The following MYH15 variants were observed in gnomAD, a reference collection of about 807,000 sequenced individuals.
MYH15 encodes myosin heavy chain 15.
A neutral mutation model predicts 240.5 loss-of-function variants in MYH15; 227 were observed. The ratio of observed to expected loss-of-function variants is 0.94; its 90% confidence interval spans 0.85 to 1.05. The LOEUF (loss-of-function observed/expected upper bound fraction) is 1.05, where lower values mean the gene tolerates loss of function less well. Ranked by LOEUF, MYH15 falls within the 50% of genes least tolerant of loss-of-function variation. MYH15 has a pLI of 0.00. For synonymous variants in MYH15, 785 were observed against 796.7 expected (o/e 0.99, Z 0.25); for missense variants, 2,217 against 2,247.5 (o/e 0.99, Z 0.27).
intron 21 of MYH15, among the ~76,000 whole-genome samples, chr3:108,451,015 G>T (rs1371141454): frequency 6.6e-6 from 1 of 152,106 alleles, no homozygotes; most frequent in Non-Finnish European, 1.5e-5. Flanking sequence ...TACTAGAAAT[G>T]ATAATACTCT....
intron 21 of MYH15, among the ~76,000 whole-genome samples, chr3:108,445,741 A>G (rs1039015370): frequency 4.6e-5 from 7 of 152,220 alleles, no homozygotes; most frequent in African/African-American, 1.2e-4. Flanking sequence ...TAATTGAACT[A>G]TCTGATGGAG....
chr3:108,388,915 C>A, intron 38 of MYH15, 55 bp downstream of exon 38: 1 of 1,518,532 alleles, frequency 6.6e-7, no homozygotes, highest in Non-Finnish European at 9.0e-7. Flanking sequence ...TGAAGGAGTA[C>A]TTTTCTGCAG....
intron 4 of MYH15, among the ~76,000 whole-genome samples, chr3:108,499,870 T>C (rs886207787): frequency 1.3e-5 from 2 of 152,236 alleles, no homozygotes; most frequent in Non-Finnish European, 2.9e-5. Context: ...GGGCTTACTC[T>C]GGGCCAGCCA....
intron 37 of MYH15, among the ~76,000 whole-genome samples, chr3:108,390,456 A>AT (rs201925350): frequency 0.012 from 1,883 of 152,246 alleles, 33 homozygotes; most frequent in African/African-American, 0.037. Flanking sequence ...AGTTTCATGT[A>AT]TTTTTTAGGG....
chr3:108,417,300 A>C (rs2082642117), intron 28 of MYH15, among the ~76,000 whole-genome samples: 2 of 152,224 alleles, frequency 1.3e-5, no homozygotes. Context: ...AAACAGAGCA[A>C]CTTAAATATG....
intron 31 of MYH15, 94 bp from the exon 32 acceptor site, chr3:108,408,498 C>G: frequency 2.4e-6 from 3 of 1,246,542 alleles, no homozygotes; most frequent in Non-Finnish European, 3.3e-6. Flanking sequence ...CCCACTGGAA[C>G]AGTGACCTCA....
chr3:108,443,342 C>T (rs982105449), intron 22 of MYH15, among the ~76,000 whole-genome samples: 3 of 151,774 alleles, frequency 2.0e-5, no homozygotes, highest in African/African-American at 7.3e-5. Flanking sequence ...TAATACAGCT[C>T]CAAAATATTA....
chr3:108,460,226 G>T, intron 17 of MYH15, 74 bp downstream of exon 17: 1 of 1,264,536 alleles, frequency 7.9e-7, no homozygotes. Flanking sequence ...TTGAAGATGT[G>T]AAATGTCAAC....
chr3:108,408,789 A>G (rs1002096756), intron 31 of MYH15, among the ~76,000 whole-genome samples: 2 of 152,146 alleles, frequency 1.3e-5, no homozygotes, highest in Non-Finnish European at 1.5e-5. Flanking sequence ...AGTGGCTGCC[A>G]TTGTTTCAGC....
intron 1 of MYH15, among the ~76,000 whole-genome samples, chr3:108,522,125 A>T (rs1244622470): frequency 6.6e-6 from 1 of 152,110 alleles, no homozygotes; most frequent in Non-Finnish European, 1.5e-5. Flanking sequence ...AGGGACATGC[A>T]CCAATAGACT....
rs2083062992 is a variant in MYH15 at position 108,460,459 on chromosome 3, C to A, written c.1865-92G>T. ...CCCCACTGATGGAAGCATAAATTCA[C>A]CAGAGTTCTAGAACAATATGGCAAT... On this transcript the variant is annotated intron_variant, in intron 16 of 40. Transcript: ENST00000693548. 12 of 971,178 alleles carry A rather than the reference C, an allele frequency of 1.2e-5. No homozygotes were observed. In the South Asian group the frequency reaches 2.2e-4, roughly 18 times the overall value. The allele number at this position is 971,178 out of a possible 1,614,324, so 60.2% of individuals were successfully genotyped here.
chr3:108,531,702 G>A (rs368188368), upstream of MYH15, among the ~76,000 whole-genome samples: 10 of 151,830 alleles, frequency 6.6e-5, no homozygotes, highest in Admixed American at 5.9e-4. Flanking sequence ...GTGTGAACCC[G>A]GGAGGCAGAG....
Position 108,439,849 on chromosome 3 carries a change from G to T in MYH15, c.2963C>A (p.Ala988Asp), listed in dbSNP as rs1318125569. 1 of 1,612,836 alleles carries T rather than the reference G, an allele frequency of 6.2e-7. No homozygotes were observed. Residue 988 changes from alanine to aspartate, a missense_variant, in exon 24 of 41, where the codon GCC (alanine) becomes GAC (aspartate). Coordinates refer to ENST00000693548, the MANE Select transcript of MYH15 (RefSeq NM_014981.3). ...NEDISKLNRA[A>D]KVVQEAHQQT... ...CTGATGGGCCTCCTGCACAACCTTGGCTGCTCTGTTAAGTTTGCTGATATC... is the reference window on the plus strand; with the variant it reads ...CTGATGGGCCTCCTGCACAACCTTGTCTGCTCTGTTAAGTTTGCTGATATC...
chr3:108,500,128 G>A lies in MYH15; in HGVS notation c.486C>T (p.Asp162=). ...AGGGCAGCTACTCACTGTGAAGCAT[G>A]TCCTGAAAGGCGTTATTGGCAACAG... ...IFAVANNAFQ[D]MLHNRENQSI... is the part of the protein sequence containing the mutation. Residue 162 remains aspartate, a synonymous_variant, in exon 4 of 41, where the codon GAC becomes GAT. Transcript: ENST00000693548. The A allele has an allele frequency of 1.9e-6, 3 of 1,613,446 alleles. No homozygotes were observed. Among genetic ancestry groups the A allele is most frequent in the African/African-American group, 2.7e-5 (2 of 74,978 alleles).
intron 15 of MYH15, among the ~76,000 whole-genome samples, chr3:108,464,398 G>T (rs1451674000): frequency 6.6e-6 from 1 of 152,174 alleles, no homozygotes; most frequent in East Asian, 1.9e-4. Flanking sequence ...AAGCTGCCTT[G>T]CTTTGAGTTG....
At chr3:108,409,441 C>T (rs1338607588) in intron 31 of MYH15, among the ~76,000 whole-genome samples, 2 of 152,220 alleles carry the variant, frequency 1.3e-5, no homozygotes, top group Non-Finnish European at 1.5e-5. Flanking sequence ...ATCCTTCAGA[C>T]CTACTGAGTC....
Position 108,383,704 on chromosome 3 carries a change from GA to G in MYH15, c.5656del (p.Ser1886ProfsTer10). 1 of 1,585,654 alleles carries G rather than the reference GA, an allele frequency of 6.3e-7. No homozygotes were observed. Among genetic ancestry groups the G allele is most frequent in the Non-Finnish European group, 8.6e-7 (1 of 1,166,070 alleles). ...CTCATGTTGCTGTTTCTTATACTTG[GA>G]AAGGTATTGATTGGCTTGTGTTTCC... is the stretch of plus-strand genomic sequence containing the variant. ...VAETQANQYL[S>X]KYKKQQHELN... On this transcript the variant is annotated frameshift_variant, in exon 40 of 41. Coordinates refer to ENST00000693548, the MANE Select transcript of MYH15 (RefSeq NM_014981.3). LOFTEE classifies it high-confidence loss of function.
At chr3:108,527,486 T>C (rs1212518946) in intron 1 of MYH15, among the ~76,000 whole-genome samples, 2 of 152,126 alleles carry the variant, frequency 1.3e-5, no homozygotes, top group African/African-American at 4.8e-5. Flanking sequence ...GACAGTTACA[T>C]GTTTTATGAG....
chr3:108,404,329 T>C (rs1390511119), intron 33 of MYH15, among the ~76,000 whole-genome samples: 1 of 152,076 alleles, frequency 6.6e-6, no homozygotes, highest in East Asian at 1.9e-4. Context: ...TTCTTTTTCT[T>C]AAAAAAAGAC....
Sources: gnomAD v4.1 joint callset for allele counts (sites outside exome capture counted in the v4.1 genomes callset) on GRCh38, gnomAD v4.1.1 for gene constraint, MANE v1.5 for transcripts, NCBI Gene and HGNC (gene_info 2026-07-23, HGNC 2026-07-21) for gene names.